CUX2: variants seen among roughly 807,000 people sequenced by gnomAD.
CUX2 encodes homeobox protein cut-like 2.
In CUX2, 40 loss-of-function variants were observed where a neutral mutation model predicts 144.8. That is an observed-to-expected ratio of 0.28 (90% confidence interval 0.21 to 0.36). CUX2 has a LOEUF of 0.36. Ranked by LOEUF, CUX2 falls within the 10% of genes least tolerant of loss-of-function variation. The pLI, the probability that CUX2 is intolerant of heterozygous loss-of-function variation, is 1.00. For missense variants in CUX2, 1,615 were observed against 1,994.0 expected, an observed-to-expected ratio of 0.81 and a Z score of 3.62; for synonymous variants, 827 against 875.6, an observed-to-expected ratio of 0.94 and a Z score of 0.98.
intron 1 of CUX2, among the ~76,000 whole-genome samples, chr12:111,172,307 G>A (rs1878586092): frequency 6.6e-6 from 1 of 152,176 alleles, no homozygotes; most frequent in Admixed American, 6.5e-5. Flanking sequence ...TTGGAATTTA[G>A]GTTTATTTAA....
chr12:111,267,675 C>T (rs997043399), intron 4 of CUX2, among the ~76,000 whole-genome samples: 6 of 152,204 alleles, frequency 3.9e-5, no homozygotes, highest in African/African-American at 1.4e-4. Context: ...GTCAACAGGG[C>T]TATACTTTCT....
intron 9 of CUX2, among the ~76,000 whole-genome samples, chr12:111,301,282 T>G (rs1886279062): frequency 6.6e-6 from 1 of 152,186 alleles, no homozygotes; most frequent in Non-Finnish European, 1.5e-5. Flanking sequence ...CCCCAATTCT[T>G]ACTCCTGGGG....
intron 4 of CUX2, among the ~76,000 whole-genome samples, chr12:111,274,925 T>C (rs1196905175): frequency 1.3e-5 from 2 of 148,870 alleles, no homozygotes; most frequent in Non-Finnish European, 3.0e-5. Context: ...GAGACAGCTC[T>C]AGATTCCCCA....
rs754759816 is a variant in CUX2 at position 111,039,689 on chromosome 12, G to A, written c.63+5449G>A. Among the ~76,000 whole-genome samples, 1 of 152,080 alleles carries A rather than the reference G, an allele frequency of 6.6e-6. No individual in the cohort carries two copies. The highest frequency in any genetic ancestry group is 2.4e-5 in the African/African-American group (1 of 41,402). ...TGGAACTATAGGCGCATGCCACCACGCCTGGCTAATTTTTGTATTTTTAGT... is the reference window on the plus strand; with the variant it reads ...TGGAACTATAGGCGCATGCCACCACACCTGGCTAATTTTTGTATTTTTAGT... On this transcript the variant is annotated intron_variant, in intron 1 of 21. Transcript: ENST00000261726. The surrounding 1 kb of genome is among the most constrained non-coding windows in gnomAD (Gnocchi z 4.2).
intron 1 of CUX2, among the ~76,000 whole-genome samples, chr12:111,093,724 T>C (rs1158301111): frequency 6.6e-6 from 1 of 152,208 alleles, no homozygotes; most frequent in Non-Finnish European, 1.5e-5. Context: ...CTTCCTTTTA[T>C]TTTAAGCTGC....
chr12:111,100,640 A>G (rs760886672), intron 1 of CUX2, among the ~76,000 whole-genome samples: 3 of 152,160 alleles, frequency 2.0e-5, no homozygotes, highest in African/African-American at 7.2e-5. Flanking sequence ...ACATTTGAAC[A>G]TGTGAGCTTG....
chr12:111,080,343 C>G (rs1871812920), intron 1 of CUX2, among the ~76,000 whole-genome samples: 2 of 152,082 alleles, frequency 1.3e-5, no homozygotes, highest in South Asian at 4.2e-4. Flanking sequence ...TATATTTCAC[C>G]CATTTACCTT....
chr12:111,161,896 G>A (rs1195369410), intron 1 of CUX2, among the ~76,000 whole-genome samples: 6 of 152,218 alleles, frequency 3.9e-5, no homozygotes, highest in South Asian at 4.1e-4. Context: ...AAACATACCC[G>A]GCTGATTTTT....
In CUX2 at chr12:111,246,854, G is replaced by A. The variant is rs901882802; in HGVS notation, c.223-16907G>A. On this transcript the variant is annotated intron_variant, in intron 3 of 21. Transcript: ENST00000261726. The surrounding 1 kb of genome is among the most constrained non-coding windows in gnomAD (Gnocchi z 4.0). ...TGTGCCCTGCAGGGTACATGACTCCGTCCTTGACTGTCCCTCCTCAAAGCG... is the reference window on the plus strand; with the variant it reads ...TGTGCCCTGCAGGGTACATGACTCCATCCTTGACTGTCCCTCCTCAAAGCG... Among the ~76,000 whole-genome samples, 5 of 152,038 alleles carry A rather than the reference G, an allele frequency of 3.3e-5. No individual in the cohort carries two copies. The highest frequency in any genetic ancestry group is 4.8e-5 in the African/African-American group (2 of 41,386).
chr12:111,338,000 G>A (rs1045543131), intron 19 of CUX2, among the ~76,000 whole-genome samples: 5 of 151,466 alleles, frequency 3.3e-5, no homozygotes, highest in African/African-American at 1.2e-4. Flanking sequence ...ATGCCACTAC[G>A]CTCAGCCTGG....
intron 1 of CUX2, among the ~76,000 whole-genome samples, chr12:111,082,719 G>A (rs1262656912): frequency 1.3e-5 from 2 of 152,212 alleles, no homozygotes; most frequent in South Asian, 2.1e-4. Flanking sequence ...GCCGGGAGGT[G>A]GAGGAGGCAG....
chr12:111,110,732 T>C (rs1485317620), intron 1 of CUX2, among the ~76,000 whole-genome samples: 1 of 152,224 alleles, frequency 6.6e-6, no homozygotes, highest in Non-Finnish European at 1.5e-5. Context: ...GTTTTGGCAT[T>C]CATTAAAACA....
chr12:111,127,792 C>T lies in CUX2; in HGVS notation c.64-86408C>T, dbSNP rs138081232. 1.3e-3 allele frequency among the ~76,000 whole-genome samples: 199 copies of T among 152,278 alleles called. 6 individuals carry two copies. The East Asian group carries it at 0.031, about 24-fold the overall frequency. On this transcript the variant is annotated intron_variant, in intron 1 of 21. Coordinates refer to ENST00000261726, the MANE Select transcript of CUX2 (RefSeq NM_015267.4). ...GTTCCACATGGCTGGGGAGGCCTCA[C>T]AATCATGGCAGAAGGCGAAGGGGGA...
At chr12:111,336,098 C>G (rs1028868322) in intron 19 of CUX2, among the ~76,000 whole-genome samples, 9 of 152,130 alleles carry the variant, frequency 5.9e-5, no homozygotes, top group African/African-American at 2.2e-4. Context: ...AAACTTCCTT[C>G]CAGGAAGACG....
chr12:111,083,794 G>A lies in CUX2; in HGVS notation c.63+49554G>A, dbSNP rs114647842. Among the ~76,000 whole-genome samples the A allele has an allele frequency of 5.4e-3, 825 of 152,220 alleles. 12 individuals are homozygous for A. Among genetic ancestry groups the A allele is most frequent in the African/African-American group, 0.019 (778 of 41,530 alleles). On this transcript the variant is annotated intron_variant, in intron 1 of 21. Transcript: ENST00000261726. ...GGAGTTTGTAGTCGTGAACCTTGGG[G>A]CTGGCAGGGAGATTGGGAGAAAAGG... is the stretch of plus-strand genomic sequence containing the variant.
chr12:111,065,481 G>A (rs1006484650), intron 1 of CUX2, among the ~76,000 whole-genome samples: 1 of 152,184 alleles, frequency 6.6e-6, no homozygotes, highest in Non-Finnish European at 1.5e-5. Context: ...GACTACAGGT[G>A]CACATCACCA....
At position 111,186,954 on chromosome 12, in the gene CUX2, T is replaced by A. The variant is rs1879574737; in HGVS notation, c.64-27246T>A. Among the ~76,000 whole-genome samples, 1 of 152,108 alleles carries A rather than the reference T, an allele frequency of 6.6e-6. No homozygotes were observed. Among genetic ancestry groups the A allele is most frequent in the Non-Finnish European group, 1.5e-5 (1 of 68,012 alleles). On this transcript the variant is annotated intron_variant, in intron 1 of 21. Transcript: ENST00000261726. The surrounding 1 kb of genome is among the most constrained non-coding windows in gnomAD (Gnocchi z 4.4). ...CCACCATGCCTGGCTAATTTTTGTA[T>A]TTTTGGTAGAGATGGGGTTTTGCCA...
Position 111,328,975 on chromosome 12 carries a change from C to CTCT in CUX2, c.2927-5466_2927-5465insTCT, listed in dbSNP as rs1491501890. 7.5e-4 allele frequency among the ~76,000 whole-genome samples: 49 copies of CTCT among 65,640 alleles called. 1 individual carries two copies. Among genetic ancestry groups the CTCT allele is most frequent in the African/African-American group, 4.8e-3 (40 of 8,254 alleles). 43.1% of individuals were successfully genotyped at this position (65,640 alleles called of 152,430 possible). On this transcript the variant is annotated intron_variant, in intron 18 of 21. Transcript: ENST00000261726. ...TCTCTCTCTCTCTCTCTCTCTCTCT[C>CTCT]CCCCTCTCTCCCTCTCTCCCTCTCC...
chr12:111,322,321 C>CAAA lies in CUX2; in HGVS notation c.2767-79_2767-77dup, dbSNP rs147389725. The stretch of plus-strand genomic sequence containing the variant: ...CGACAGACAAAGCGAGACTCTGCCT[C>CAAA]AAAAAAAAAAAAAAAAAAAAAAAGG... On this transcript the variant is annotated intron_variant, in intron 17 of 21. Coordinates refer to ENST00000261726, the MANE Select transcript of CUX2 (RefSeq NM_015267.4). This position sits in a 1 kb window ranked among gnomAD's most constrained non-coding sequence, Gnocchi z 4.2. 1.3e-3 allele frequency: 994 copies of CAAA among 760,538 alleles called. No individual in the cohort carries two copies. The highest frequency in any genetic ancestry group is 1.8e-3 in the Middle Eastern group (4 of 2,202). 47.1% of individuals were successfully genotyped at this position (760,538 alleles called of 1,614,324 possible).
Sources: allele counts gnomAD v4.1 joint callset (sites outside exome capture counted in the v4.1 genomes callset), GRCh38; gene constraint gnomAD v4.1.1; non-coding constraint Gnocchi (gnomAD v3.1); transcripts MANE v1.5; gene names NCBI Gene and HGNC (gene_info 2026-07-23, HGNC 2026-07-21).